The following SRRM1 variants were observed in gnomAD, a reference collection of about 807,000 sequenced individuals.
SRRM1 encodes serine and arginine repetitive matrix 1.
A neutral mutation model predicts 110.2 loss-of-function variants in SRRM1; 19 were observed. The ratio of observed to expected loss-of-function variants is 0.17; its 90% CI spans 0.12 to 0.25. The LOEUF is 0.25. SRRM1 is among the 10% of genes least tolerant of loss of function. SRRM1 has a pLI of 1.00. For missense variants in SRRM1, 918 were observed against 1,145.8 expected (o/e 0.80, Z 2.87); for synonymous variants, 443 against 414.9 (o/e 1.07, Z -0.82).
At chr1:24,652,042 A>ATATATATATATATATATATATATG (rs1661129761) in intron 6 of SRRM1, among the ~76,000 whole-genome samples, 1 of 121,216 alleles carries the variant, frequency 8.2e-6, no homozygotes, top group East Asian at 2.4e-4. Flanking sequence ...ATATATATAT[A>ATATATATATATATATATATATATG]TATATATATA....
intron 9 of SRRM1, among the ~76,000 whole-genome samples, chr1:24,657,719 C>T (rs113261851): frequency 0.01 from 1,565 of 152,292 alleles, 19 homozygotes; most frequent in African/African-American, 0.036. Flanking sequence ...TTTGTAATTA[C>T]TGACATTTCA....
chr1:24,650,179 A>G, intron 5 of SRRM1, 93 bp downstream of exon 5: 2 of 1,246,292 alleles, frequency 1.6e-6, no homozygotes, highest in Non-Finnish European at 1.1e-6. Flanking sequence ...AGCGCTATTC[A>G]AGGAATTTGT....
At chr1:24,652,819 A>G in intron 7 of SRRM1, 94 bp from the exon 8 acceptor site, 1 of 1,474,414 alleles carries the variant, frequency 6.8e-7, no homozygotes, top group Middle Eastern at 2.0e-4. Flanking sequence ...TTGATCTTTG[A>G]AATTTATTTT....
chr1:24,663,338 A>C (rs1212400179), intron 12 of SRRM1: 4 of 702,720 alleles, frequency 5.7e-6, no homozygotes, highest in Non-Finnish European at 9.0e-6. Flanking sequence ...TGTGGCTGTG[A>C]ATGTGCAGAT....
At chr1:24,646,831 T>C (rs751086248) in intron 3 of SRRM1, 42 bp downstream of exon 3, 6 of 1,509,682 alleles carry the variant, frequency 4.0e-6, no homozygotes, top group African/African-American at 2.9e-5. Context: ...ATATGTGATA[T>C]AATTTGTGAA....
intron 5 of SRRM1, 85 bp downstream of exon 5, chr1:24,650,171 C>T (rs965034178): frequency 6.2e-6 from 8 of 1,293,698 alleles, no homozygotes; most frequent in South Asian, 3.9e-5. Context: ...AATCTAACAG[C>T]GCTATTCAAG....
chr1:24,662,760 T>C lies in SRRM1; in HGVS notation c.1584T>C (p.Ser528=), dbSNP rs1667926432. 1 of 1,613,858 alleles carries C rather than the reference T, an allele frequency of 6.2e-7. No individual in the cohort carries two copies. The change falls in exon 12 of 17, where the codon AGT becomes AGC. Residue 528 remains serine, a synonymous_variant. Transcript: ENST00000323848. ...GGCGGAGACATTCCCCTTCCCGGAG[T>C]GCTTCTCCATCACCACGAAAGCGCC... ...GRRRRHSPSR[S]ASPSPRKRQK...
chr1:24,654,414 T>C (rs1399010745), intron 8 of SRRM1: 1 of 1,163,182 alleles, frequency 8.6e-7, no homozygotes. Flanking sequence ...CTTCTAAGTT[T>C]ATGTAGCTAA....
rs369774728 is a variant in SRRM1, at chr1:24,648,891, G to A, written c.267G>A (p.Leu89=). 3.1e-6 allele frequency: 5 copies of A among 1,612,586 alleles called. No homozygotes were observed. The African/African-American group carries it at 5.3e-5, about 17-fold the overall frequency. The change falls in exon 4 of 17, where the codon CTG becomes CTA. Residue 89 remains leucine, a synonymous_variant. Transcript: ENST00000323848. ...NPDSKMMQIN[L]TGFLNGKNAR... is the part of the protein sequence containing the mutation. Reference sequence around the variant, plus strand: ...ACTCCAAAATGATGCAAATCAACCTGACTGGATTTTTGAATGGAAAAAATG... The same window carrying A: ...ACTCCAAAATGATGCAAATCAACCTAACTGGATTTTTGAATGGAAAAAATG...
At position 24,671,314 on chromosome 1, in the gene SRRM1, A is replaced by G. The variant is rs1672625187; in HGVS notation, c.2401-72A>G. 17 of 1,421,574 alleles carry G rather than the reference A, an allele frequency of 1.2e-5. No homozygotes were observed. The South Asian group carries it at 2.3e-4, about 19-fold the overall frequency. 88.1% of individuals were successfully genotyped at this position (1,421,574 alleles called of 1,614,324 possible). On this transcript the variant is annotated intron_variant, in intron 15 of 16. Transcript: ENST00000323848. ...TTGTCCATTGGGGATTTGAGGAAAT[A>G]AAATGTTCAGTTGGACAGAATATTA...
chr1:24,671,297 T>C, intron 15 of SRRM1, 89 bp from the exon 16 acceptor site: 1 of 1,319,110 alleles, frequency 7.6e-7, no homozygotes, highest in Non-Finnish European at 1.0e-6. Flanking sequence ...ATTTGTCCAT[T>C]GGGGATTTGA....
chr1:24,653,602 T>C (rs113395185), intron 8 of SRRM1, among the ~76,000 whole-genome samples: 1 of 152,342 alleles, frequency 6.6e-6, no homozygotes, highest in African/African-American at 2.4e-5. Flanking sequence ...TAGTGTCTGG[T>C]TATTTTTCAA....
chr1:24,651,291 G>T, intron 5 of SRRM1, 118 bp from the exon 6 acceptor site: 1 of 783,006 alleles, frequency 1.3e-6, no homozygotes, highest in Non-Finnish European at 2.0e-6. Context: ...ATTTCCATAG[G>T]GAAACATCTC....
At chr1:24,663,296 T>A in intron 12 of SRRM1, 1 of 1,180,918 alleles carries the variant, frequency 8.5e-7, no homozygotes, top group Non-Finnish European at 1.2e-6. Context: ...CCTATTTAGG[T>A]GACCTCATCT....
intron 12 of SRRM1, among the ~76,000 whole-genome samples, chr1:24,665,289 C>T (rs925473439): frequency 2.6e-5 from 4 of 151,942 alleles, no homozygotes; most frequent in South Asian, 2.1e-4. Context: ...GTTAGCCGGG[C>T]GTGGTGGCGC....
chr1:24,651,017 T>A (rs1303597376), intron 5 of SRRM1, among the ~76,000 whole-genome samples: 1 of 152,246 alleles, frequency 6.6e-6, no homozygotes, highest in Admixed American at 6.5e-5. Context: ...AGGCTCTTCC[T>A]GATGAACTCC....
intron 9 of SRRM1, among the ~76,000 whole-genome samples, chr1:24,659,682 G>A (rs905984786): frequency 6.6e-6 from 1 of 152,188 alleles, no homozygotes; most frequent in African/African-American, 2.4e-5. Context: ...AGGTGAAGTT[G>A]CTTCTTTTTA....
At chr1:24,646,562 A>T in intron 2 of SRRM1, 105 bp from the exon 3 acceptor site, 1 of 1,055,636 alleles carries the variant, frequency 9.5e-7, no homozygotes, top group Non-Finnish European at 1.4e-6. Context: ...TACTATGCCA[A>T]ACAAAAAAAC....
rs1338486101 is a variant in SRRM1 at position 24,671,575 on chromosome 1, G to T, written c.2590G>T (p.Ala864Ser). Residue 864 changes from alanine to serine, a missense_variant, in exon 16 of 17, where the codon GCA becomes TCA. This residue lies in a region of SRRM1 where 62 missense variants were observed against 127.6 expected (regional missense o/e 0.49). Transcript: ENST00000323848. ...CACATTAGCACAGGAAGAGCCAGTGGCAGCGCCAGAGCCGAAGAAGGTATT... is the reference window on the plus strand; with the variant it reads ...CACATTAGCACAGGAAGAGCCAGTGTCAGCGCCAGAGCCGAAGAAGGTATT... ...TTTLAQEEPV[A>S]APEPKKETES... The T allele has an allele frequency of 6.3e-7, 1 of 1,595,314 alleles. No individual in the cohort carries two copies. Among genetic ancestry groups the T allele is most frequent in the Non-Finnish European group, 8.5e-7 (1 of 1,174,424 alleles).
Sources: gnomAD v4.1 joint callset for allele counts (sites outside exome capture counted in the v4.1 genomes callset) on GRCh38, gnomAD v4.1.1 for gene constraint, gnomAD v4.1.1 regional missense constraint, MANE v1.5 for transcripts, NCBI Gene and HGNC (gene_info 2026-07-23, HGNC 2026-07-21) for gene names.